EPHB1: variants seen among roughly 807,000 people sequenced by gnomAD.
EPHB1 encodes EPH receptor B1.
In EPHB1, 30 loss-of-function variants were observed where a neutral mutation model predicts 94.4. That is an observed-to-expected ratio of 0.32 (90% CI 0.24 to 0.43). The LOEUF is 0.43. EPHB1 is among the 20% of genes least tolerant of loss of function. EPHB1 has a pLI of 1.00. For missense variants in EPHB1, 1,055 were observed against 1,308.3 expected (o/e 0.81, Z 2.99); for synonymous variants, 522 against 489.1 (o/e 1.07, Z -0.89).
chr3:135,052,909 A>ATATATG (rs1217744067), intron 3 of EPHB1, among the ~76,000 whole-genome samples: 20 of 68,850 alleles, frequency 2.9e-4, no homozygotes, highest in African/African-American at 8.5e-4. Flanking sequence ...ATATATATAT[A>ATATATG]TGTGTGTGTG....
chr3:134,972,409 C>A (rs898911539), intron 3 of EPHB1, among the ~76,000 whole-genome samples: 3 of 143,614 alleles, frequency 2.1e-5, no homozygotes, highest in Non-Finnish European at 3.0e-5. Context: ...TATTATATAT[C>A]TTTTATATAA....
intron 4 of EPHB1, among the ~76,000 whole-genome samples, chr3:135,114,858 A>G (rs1939626739): frequency 1.3e-5 from 2 of 152,200 alleles, no homozygotes; most frequent in Non-Finnish European, 2.9e-5. Flanking sequence ...ACTTTGATGT[A>G]ATTTTCAAAG....
chr3:134,851,889 T>A (rs1395951829), intron 1 of EPHB1, among the ~76,000 whole-genome samples: 1 of 152,214 alleles, frequency 6.6e-6, no homozygotes, highest in East Asian at 1.9e-4. Context: ...GCTCTGCTAT[T>A]GTCTTTTCCC....
At chr3:135,240,146 C>T (rs1160459597) in intron 12 of EPHB1, among the ~76,000 whole-genome samples, 1 of 152,180 alleles carries the variant, frequency 6.6e-6, no homozygotes, top group Non-Finnish European at 1.5e-5. Flanking sequence ...CTCATCTTCA[C>T]CTTCCCTCAC....
At chr3:135,226,517 CA>C (rs1309140861) in intron 12 of EPHB1, among the ~76,000 whole-genome samples, 17 of 152,226 alleles carry the variant, frequency 1.1e-4, no homozygotes, top group Non-Finnish European at 1.9e-4. Context: ...TGCCCCCAGG[CA>C]GCTGGGTTCT....
At chr3:135,223,297 A>G (rs1445585938) in intron 12 of EPHB1, among the ~76,000 whole-genome samples, 1 of 152,222 alleles carries the variant, frequency 6.6e-6, no homozygotes, top group Non-Finnish European at 1.5e-5. Context: ...GTACTGGGGA[A>G]ACCTTGCAGG....
intron 12 of EPHB1, among the ~76,000 whole-genome samples, chr3:135,215,469 T>C (rs567201162): frequency 4.5e-4 from 69 of 152,298 alleles, no homozygotes; most frequent in South Asian, 1.9e-3. Flanking sequence ...GGCCCAGATG[T>C]ACATTTTAAA....
At chr3:135,244,524 C>T (rs1943874797) in intron 13 of EPHB1, among the ~76,000 whole-genome samples, 1 of 152,184 alleles carries the variant, frequency 6.6e-6, no homozygotes, top group African/African-American at 2.4e-5. Flanking sequence ...ACACCCTATG[C>T]CTCCAACCTT....
At chr3:135,123,332 T>C (rs1209124694) in intron 4 of EPHB1, among the ~76,000 whole-genome samples, 1 of 152,224 alleles carries the variant, frequency 6.6e-6, no homozygotes, top group Non-Finnish European at 1.5e-5. Context: ...TTGCATACAG[T>C]ATTTATCAAT....
chr3:135,067,557 AC>A (rs1559816919), intron 3 of EPHB1: 2 of 152,248 alleles, frequency 1.3e-5, no homozygotes, highest in Admixed American at 6.5e-5. Context: ...CTCTAACAGC[AC>A]GGAGTCAGTT....
intron 3 of EPHB1, among the ~76,000 whole-genome samples, chr3:135,013,257 C>T (rs1386971827): frequency 1.3e-5 from 2 of 152,142 alleles, no homozygotes; most frequent in South Asian, 2.1e-4. Flanking sequence ...ACAGGAATAT[C>T]GGGATTGAGT....
At chr3:135,070,198 T>C (rs1937658648) in intron 3 of EPHB1, among the ~76,000 whole-genome samples, 1 of 152,344 alleles carries the variant, frequency 6.6e-6, no homozygotes, top group Non-Finnish European at 1.5e-5. Context: ...CACAGAGTTA[T>C]GCCTCCTAGA....
At chr3:134,872,782 G>A (rs1398518918) in intron 1 of EPHB1, among the ~76,000 whole-genome samples, 1 of 152,196 alleles carries the variant, frequency 6.6e-6, no homozygotes, top group East Asian at 1.9e-4. Context: ...AGCACTGTAA[G>A]AGAATATTCT....
chr3:134,891,741 T>G (rs2037988052), intron 1 of EPHB1, among the ~76,000 whole-genome samples: 1 of 152,244 alleles, frequency 6.6e-6, no homozygotes, highest in Non-Finnish European at 1.5e-5. Context: ...GCATTGATAT[T>G]CATAAGCAAG....
Position 135,259,470 on chromosome 3 carries a change from T to C in EPHB1, c.*350T>C. 1 of 224,664 alleles carries C rather than the reference T, an allele frequency of 4.5e-6. No individual in the cohort carries two copies. The highest frequency in any genetic ancestry group is 8.8e-6 in the Non-Finnish European group (1 of 113,040). The allele number at this position is 224,664 out of a possible 1,614,324, so 13.9% of individuals were successfully genotyped here. A position where few individuals can be genotyped will look rare whatever the true frequency, so the allele number is the denominator to read the frequency against. Reference sequence around the variant, plus strand: ...AACCACAGGAAGAAAGGGAAGGAGGTAGAGGGAAGAAACAGAAGCAGTGTT... The same window carrying C: ...AACCACAGGAAGAAAGGGAAGGAGGCAGAGGGAAGAAACAGAAGCAGTGTT... On this transcript the variant is annotated 3_prime_UTR_variant, in exon 16 of 16. Coordinates refer to ENST00000398015, the MANE Select transcript of EPHB1 (RefSeq NM_004441.5).
chr3:135,015,940 G>A (rs1391206675), intron 3 of EPHB1, among the ~76,000 whole-genome samples: 3 of 152,202 alleles, frequency 2.0e-5, no homozygotes, highest in Non-Finnish European at 4.4e-5. Context: ...CAGTGTCAAG[G>A]ACCAGATAGG....
chr3:134,871,343 T>A (rs2108307670), intron 1 of EPHB1, among the ~76,000 whole-genome samples: 1 of 152,192 alleles, frequency 6.6e-6, no homozygotes, highest in Non-Finnish European at 1.5e-5. Context: ...ATGAGTCAGT[T>A]TGGCTGATTC....
At chr3:135,083,155 G>A (rs1938221252) in intron 3 of EPHB1, among the ~76,000 whole-genome samples, 1 of 152,118 alleles carries the variant, frequency 6.6e-6, no homozygotes, top group African/African-American at 2.4e-5. Flanking sequence ...AGTGAGCAGG[G>A]CCTGATGACC....
intron 3 of EPHB1, among the ~76,000 whole-genome samples, chr3:135,085,816 C>T (rs531087718): frequency 1.3e-5 from 2 of 152,354 alleles, no homozygotes; most frequent in South Asian, 4.1e-4. Flanking sequence ...GACTGCTTCT[C>T]TTCCCCCAGG....
Sources: gnomAD v4.1 joint callset for allele counts (sites outside exome capture counted in the v4.1 genomes callset) on GRCh38, gnomAD v4.1.1 for gene constraint, MANE v1.5 for transcripts, NCBI Gene and HGNC (gene_info 2026-07-23, HGNC 2026-07-21) for gene names.